The following IGFALS variants were observed in gnomAD, a reference collection of about 807,000 sequenced individuals.
IGFALS encodes insulin-like growth factor-binding protein complex acid labile subunit.
In IGFALS, 2 loss-of-function variants were observed where a neutral mutation model predicts 2.6. The ratio of observed to expected loss-of-function variants is 0.77; its 90% CI spans 0.32 to 2.44. The LOEUF (loss-of-function observed/expected upper bound fraction) is 2.44, where lower values mean the gene tolerates loss of function less well. Ranked by LOEUF, IGFALS falls within the 30% of genes most tolerant of loss-of-function variation. The probability of loss-of-function intolerance (pLI) is 0.11; values close to 1 mark genes in which losing one functional copy is unlikely to be tolerated. For missense variants in IGFALS, 996 were observed against 848.7 expected (o/e 1.17, Z -2.16); for synonymous variants, 519 against 431.9 (o/e 1.20, Z -2.50).
chr16:1,790,840 C>G lies in IGFALS; in HGVS notation c.1578G>C (p.Pro526=), dbSNP rs774115726. ...CCTCCAGCCACAGGCGCTCCAGGCCCGGGGGCTGCGGCGTGAAGGTCCGCA... is the reference window on the plus strand; with the variant it reads ...CCTCCAGCCACAGGCGCTCCAGGCCGGGGGGCTGCGGCGTGAAGGTCCGCA... ...NSLRTFTPQP[P]GLERLWLEGN... is the part of the protein sequence containing the mutation. Residue 526 remains proline, a synonymous_variant, in exon 2 of 2, where the codon CCG becomes CCC. Coordinates refer to ENST00000215539, the MANE Select transcript of IGFALS (RefSeq NM_004970.3). 1.9e-6 allele frequency: 3 copies of G among 1,566,780 alleles called. No individual in the cohort carries two copies. The highest frequency in any genetic ancestry group is 1.7e-6 in the Non-Finnish European group (2 of 1,156,848).
At position 1,790,426 on chromosome 16, in the gene IGFALS, C is replaced by G. The variant is rs922063587; in HGVS notation, c.*174G>C. ...CCACTGTGCCTGTTAGATTCGATTG[C>G]CTTTGCCTTTAATTGATGACAGCTG... is the stretch of plus-strand genomic sequence containing the variant. On this transcript the variant is annotated 3_prime_UTR_variant, in exon 2 of 2. Coordinates refer to ENST00000215539, the MANE Select transcript of IGFALS (RefSeq NM_004970.3). 2 of 676,320 alleles carry G rather than the reference C, an allele frequency of 3.0e-6. No homozygotes were observed. Among genetic ancestry groups the G allele is most frequent in the Non-Finnish European group, 5.4e-6 (2 of 373,428 alleles). 41.9% of individuals were successfully genotyped at this position (676,320 alleles called of 1,614,324 possible).
chr16:1,793,553 G>A (rs1897276878), intron 1 of IGFALS, 84 bp downstream of exon 1: 2 of 1,374,614 alleles, frequency 1.5e-6, no homozygotes, highest in Non-Finnish European at 1.0e-6. Flanking sequence ...CTTCCTTGGG[G>A]GCTACCCCGG....
At chr16:1,793,514 G>A (rs1272276125) in intron 1 of IGFALS, 123 bp downstream of exon 1, 104 of 861,508 alleles carry the variant, frequency 1.2e-4, no homozygotes, top group Middle Eastern at 3.2e-4. Flanking sequence ...AGAGTCCCCC[G>A]CAGACCCCCA....
upstream of IGFALS, chr16:1,793,856 G>C: frequency 2.2e-6 from 1 of 453,540 alleles, no homozygotes; most frequent in East Asian, 3.4e-5. Flanking sequence ...GACAGTGCAG[G>C]GGGTGAGGGA....
In IGFALS at chr16:1,791,710, G is replaced by A. The variant is rs77490547; in HGVS notation, c.708C>T (p.Asn236=). The A allele has an allele frequency of 4.9e-4, 763 of 1,568,352 alleles. 7 individuals are homozygous for A. In the African/African-American group the frequency reaches 8.3e-3, roughly 17 times the overall value. ...GGAGCCGGGGCAGCTGCACGAACACGTTTGCCTTGATGGCCCGCAGCGCGT... is the reference window on the plus strand; with the variant it reads ...GGAGCCGGGGCAGCTGCACGAACACATTTGCCTTGATGGCCCGCAGCGCGT... The part of the protein sequence containing the change: ...SRNALRAIKA[N]VFVQLPRLQK... Residue 236 remains asparagine (N), a synonymous_variant, in exon 2 of 2, where the codon AAC becomes AAT. Transcript: ENST00000215539.
In IGFALS at chr16:1,791,250, T is replaced by C; in HGVS notation, c.1168A>G (p.Ser390Gly). The change falls in exon 2 of 2, where the codon AGC (serine) becomes GGC (glycine). Residue 390 changes from serine (S) to glycine (G), a missense_variant. By Grantham distance (56) the Ser-to-Gly change is moderately conservative. Transcript: ENST00000215539. ...AGGCAGCTGCCCTCCAGGTGCAGGC[T>C]GTGCAGCTTGCCCAGGCCCCGGAAC... ...QVFRGLGKLH[S>G]LHLEGSCLGR... The C allele has an allele frequency of 6.2e-7, 1 of 1,608,642 alleles. No individual in the cohort carries two copies. The highest frequency in any genetic ancestry group is 8.5e-7 in the Non-Finnish European group (1 of 1,179,804).
At position 1,792,071 on chromosome 16, in the gene IGFALS, T is replaced by G; in HGVS notation, c.347A>C (p.Gln116Pro). Residue 116 changes from glutamine to proline, a missense_variant, in exon 2 of 2, where the codon CAG becomes CCG. By Grantham distance (76) the Gln-to-Pro change is moderately conservative. Coordinates refer to ENST00000215539, the MANE Select transcript of IGFALS (RefSeq NM_004970.3). ...CAGGTTCTCTAGGCCCAGCAGCGCC[T>G]GTGGCTCCAGGCTGCCCAGCTGGCC... ...QGGQLGSLEP[Q>P]ALLGLENLCH... 2.5e-6 allele frequency: 4 copies of G among 1,609,748 alleles called. No individual in the cohort carries two copies. Among genetic ancestry groups the G allele is most frequent in the Non-Finnish European group, 3.4e-6 (4 of 1,179,062 alleles).
In IGFALS at chr16:1,791,901, A is replaced by T. The variant is rs757416950; in HGVS notation, c.517T>A (p.Trp173Arg). The T allele has an allele frequency of 2.5e-6, 4 of 1,573,522 alleles. No individual in the cohort carries two copies. The South Asian group carries it at 4.6e-5, about 18-fold the overall frequency. ...DGLFEGLGSL[W>R]DLNLGWNSLA... ...CTATTCCAGCCGAGGTTGAGGTCCCAGAGGCTGCCGAGGCCCTCGAAGAGC... is the reference window on the plus strand; with the variant it reads ...CTATTCCAGCCGAGGTTGAGGTCCCTGAGGCTGCCGAGGCCCTCGAAGAGC... The change falls in exon 2 of 2, where the codon TGG becomes AGG. Residue 173 changes from tryptophan to arginine, a missense_variant. Trp to Arg is a moderately radical substitution (Grantham distance 101). Coordinates refer to ENST00000215539, the MANE Select transcript of IGFALS (RefSeq NM_004970.3).
chr16:1,794,696 T>G, upstream of IGFALS: 1 of 607,786 alleles, frequency 1.6e-6, no homozygotes, highest in Non-Finnish European at 2.9e-6. Flanking sequence ...CCCCTGGCTG[T>G]CAGTGGGGCC....
upstream of IGFALS, among the ~76,000 whole-genome samples, chr16:1,794,624 C>A (rs960783535): frequency 2.6e-5 from 4 of 152,208 alleles, no homozygotes; most frequent in African/African-American, 4.8e-5. Flanking sequence ...CCCAACCAGT[C>A]GCTCTCTCCC....
chr16:1,792,641 T>G (rs1042856936), intron 1 of IGFALS: 1 of 636,836 alleles, frequency 1.6e-6, no homozygotes, highest in Non-Finnish European at 2.3e-6. Flanking sequence ...AGGGCTTGGC[T>G]CTCCAGCTGT....
In IGFALS at chr16:1,791,859, C is replaced by T. The variant is rs1051315675; in HGVS notation, c.559G>A (p.Asp187Asn). The T allele has an allele frequency of 1.3e-5, 20 of 1,555,746 alleles. No homozygotes were observed. Among genetic ancestry groups the T allele is most frequent in the Admixed American group, 1.2e-4 (6 of 52,060 alleles). The change falls in exon 2 of 2, where the codon GAT becomes AAT. Residue 187 changes from aspartate (D) to asparagine (N), a missense_variant. Asp to Asn is a conservative substitution (Grantham distance 23). Coordinates refer to ENST00000215539, the MANE Select transcript of IGFALS (RefSeq NM_004970.3). ...CTGCCCAGGCCGCGGAACGCCGCAT[C>T]GGGGAGCACCGCCAGGCTATTCCAG... is the stretch of plus-strand genomic sequence containing the variant. ...LGWNSLAVLP[D>N]AAFRGLGSLR...
Position 1,791,767 on chromosome 16 carries a change from CA to C in IGFALS, c.650del (p.Leu217ArgfsTer9). The part of the protein sequence containing the change: ...AYLQPALFSG[L>X]AELRELDLSR... ...TCAGGTCCAGCTCCCGGAGCTCGGCCAGGCCGCTGAAGAGCGCGGGCTGCAG... is the reference window on the plus strand; with the variant it reads ...TCAGGTCCAGCTCCCGGAGCTCGGCCGGCCGCTGAAGAGCGCGGGCTGCAG... On this transcript the variant is annotated frameshift_variant, in exon 2 of 2. Coordinates refer to ENST00000215539, the MANE Select transcript of IGFALS (RefSeq NM_004970.3). LOFTEE classifies it low-confidence loss of function (END_TRUNC). 6.5e-7 allele frequency: 1 copy of C among 1,549,536 alleles called. No individual in the cohort carries two copies. The highest frequency in any genetic ancestry group is 8.7e-7 in the Non-Finnish European group (1 of 1,151,168).
chr16:1,793,740 C>T (rs1897282146), upstream of IGFALS: 34 of 1,356,638 alleles, frequency 2.5e-5, no homozygotes, highest in South Asian at 2.8e-4. Context: ...TTCCCCACTG[C>T]GGGGCAGCCC....
chr16:1,791,767 C>CA lies in IGFALS; in HGVS notation c.650dup (p.Ala218GlyfsTer114), dbSNP rs1330358051. On this transcript the variant is annotated frameshift_variant, in exon 2 of 2. Coordinates refer to ENST00000215539, the MANE Select transcript of IGFALS (RefSeq NM_004970.3). LOFTEE classifies it low-confidence loss of function (END_TRUNC). ...TCAGGTCCAGCTCCCGGAGCTCGGCCAGGCCGCTGAAGAGCGCGGGCTGCA... is the reference window on the plus strand; with the variant it reads ...TCAGGTCCAGCTCCCGGAGCTCGGCCAAGGCCGCTGAAGAGCGCGGGCTGCA... 3.9e-6 allele frequency: 6 copies of CA among 1,549,536 alleles called. No homozygotes were observed. The South Asian group carries it at 5.9e-5, about 15-fold the overall frequency.
At position 1,790,982 on chromosome 16, in the gene IGFALS, C is replaced by T. The variant is rs182305760; in HGVS notation, c.1436G>A (p.Gly479Asp). 3,948 of 1,596,916 alleles carry T rather than the reference C, an allele frequency of 2.5e-3. 6 individuals are homozygous for T. The highest frequency in any genetic ancestry group is 3.0e-3 in the Non-Finnish European group (3,592 of 1,179,254). The change falls in exon 2 of 2, where the codon GGC (glycine) becomes GAC (aspartate). Residue 479 changes from glycine (G) to aspartate (D), a missense_variant. Physicochemically the swap from Gly to Asp is moderately conservative, Grantham distance 94. Transcript: ENST00000215539. ...CAGCCAGAAGGCCCGCTGCAGGGGG[C>T]CCAGGGCGTCCGCCGGCAGCTCTGC... is the stretch of plus-strand genomic sequence containing the variant. Reference protein sequence around the residue: ...RLAELPADALGPLQRAFWLDV... With the variant: ...RLAELPADALDPLQRAFWLDV...
chr16:1,790,716 C>A lies in IGFALS; in HGVS notation c.1702G>T (p.Gly568Trp). Residue 568 changes from glycine (G) to tryptophan (W), a missense_variant, in exon 2 of 2, where the codon GGG becomes TGG. Gly to Trp is a radical substitution (Grantham distance 184). Transcript: ENST00000215539. ...VPRFVQAICE[G>W]DDCQPPAYTY... Reference sequence around the variant, plus strand: ...TACGCGGGCGGCTGGCAATCGTCCCCCTCACAGATGGCCTGGACGAAGCGG... The same window carrying A: ...TACGCGGGCGGCTGGCAATCGTCCCACTCACAGATGGCCTGGACGAAGCGG... The A allele has an allele frequency of 6.2e-7, 1 of 1,608,844 alleles. No homozygotes were observed. The highest frequency in any genetic ancestry group is 2.2e-5 in the East Asian group (1 of 44,678).
At chr16:1,793,591 G>C (rs763502438) in intron 1 of IGFALS, 46 bp downstream of exon 1, 1 of 1,578,614 alleles carries the variant, frequency 6.3e-7, no homozygotes, top group South Asian at 1.2e-5. Context: ...CAGGGTCACA[G>C]ACTGGCCACC....
Position 1,791,277 on chromosome 16 carries a change from C to A in IGFALS, c.1141G>T (p.Val381Leu). Reference sequence around the variant, plus strand: ...TGCAGCTTGCCCAGGCCCCGGAACACCTGCTCCGGAAGGTTCCGGAGACAG... The same window carrying A: ...TGCAGCTTGCCCAGGCCCCGGAACAACTGCTCCGGAAGGTTCCGGAGACAG... ...GNCLRNLPEQVFRGLGKLHSL... is the reference protein window; with the variant it reads ...GNCLRNLPEQLFRGLGKLHSL... The change falls in exon 2 of 2, where the codon GTG (valine) becomes TTG (leucine). Residue 381 changes from valine to leucine, a missense_variant. Physicochemically the swap from Val to Leu is conservative, Grantham distance 32. Coordinates refer to ENST00000215539, the MANE Select transcript of IGFALS (RefSeq NM_004970.3). 6.2e-7 allele frequency: 1 copy of A among 1,609,320 alleles called. No homozygotes were observed. Among genetic ancestry groups the A allele is most frequent in the South Asian group, 1.1e-5 (1 of 91,088 alleles).
Sources: allele counts gnomAD v4.1 joint callset (sites outside exome capture counted in the v4.1 genomes callset), GRCh38; gene constraint gnomAD v4.1.1; transcripts MANE v1.5; gene names NCBI Gene and HGNC (gene_info 2026-07-23, HGNC 2026-07-21).